ERI1: variants seen among roughly 807,000 people sequenced by gnomAD.
The protein encoded by ERI1 is exoribonuclease 1.
A neutral mutation model predicts 39.7 loss-of-function variants in ERI1; 39 were observed. The ratio of observed to expected loss-of-function variants is 0.98; its 90% CI spans 0.76 to 1.28. ERI1 has a LOEUF of 1.28. ERI1 is among the 50% of genes most tolerant of loss of function. The pLI, the probability that ERI1 is intolerant of heterozygous loss-of-function variation, is 0.00. For synonymous variants in ERI1, 204 were observed against 149.6 expected (o/e 1.36, Z -2.65); for missense variants, 581 against 416.9 (o/e 1.39, Z -3.43).
At chr8:9,075,000 C>G (rs1428431600) in intron 3 of ERI1, among the ~76,000 whole-genome samples, 2 of 152,118 alleles carry the variant, frequency 1.3e-5, no homozygotes, top group African/African-American at 4.8e-5. Flanking sequence ...TTGCATTCCT[C>G]TGGTCCCGTG....
intron 2 of ERI1, 86 bp from the exon 3 acceptor site, chr8:9,011,456 T>C: frequency 1.3e-6 from 1 of 758,578 alleles, no homozygotes; most frequent in South Asian, 3.2e-5. Flanking sequence ...TGATTGTCAG[T>C]GTTCAGCCCA....
intron 6 of ERI1, among the ~76,000 whole-genome samples, chr8:9,028,202 C>T (rs990986148): frequency 2.6e-5 from 4 of 152,154 alleles, no homozygotes; most frequent in Non-Finnish European, 5.9e-5. Context: ...TCTGGTTCAG[C>T]GCTTTTCTTT....
At chr8:9,048,871 C>T (rs1156679937) in intron 3 of ERI1, among the ~76,000 whole-genome samples, 2 of 151,888 alleles carry the variant, frequency 1.3e-5, no homozygotes, top group Non-Finnish European at 2.9e-5. Context: ...GTCTTGAACT[C>T]CTGGGCTCAA....
intron 6 of ERI1, among the ~76,000 whole-genome samples, chr8:9,029,246 TA>T (rs1360875152): frequency 6.6e-6 from 1 of 152,166 alleles, no homozygotes; most frequent in Non-Finnish European, 1.5e-5. Flanking sequence ...ATTTTTAAAT[TA>T]AAAAACTGCA....
intron 3 of ERI1, among the ~76,000 whole-genome samples, chr8:9,066,417 A>G (rs1392951457): frequency 6.6e-6 from 1 of 152,198 alleles, no homozygotes; most frequent in African/African-American, 2.4e-5. Flanking sequence ...GACTCTGCCA[A>G]TAAAATGGGG....
rs778172957 is a variant in ERI1, at chr8:9,029,815, G to A, written c.831G>A (p.Leu277=). ...AGGTTCCTAGAAGCCAAACCAAACT[G>A]ACAATAATGCTTGAAAAATTAGGAA... ...FYKVPRSQTK[L]TIMLEKLGMD... is the part of the protein sequence containing the mutation. The change falls in exon 7 of 7, where the codon CTG becomes CTA. Residue 277 remains leucine, a synonymous_variant. Coordinates refer to ENST00000250263, the MANE Select transcript of ERI1 (RefSeq NM_153332.4). 3 of 1,614,142 alleles carry A rather than the reference G, an allele frequency of 1.9e-6. No homozygotes were observed. Among genetic ancestry groups the A allele is most frequent in the Non-Finnish European group, 2.5e-6 (3 of 1,180,028 alleles).
chr8:9,078,021 G>A lies in ERI1; in HGVS notation n.300-38327G>A, dbSNP rs544273135. Among the ~76,000 whole-genome samples the A allele has an allele frequency of 1.4e-4, 21 of 152,102 alleles. No homozygotes were observed. The East Asian group carries it at 3.9e-3, about 28-fold the overall frequency. On this transcript the variant is annotated intron_variant and non_coding_transcript_variant, in intron 3 of 3. Transcript: ENST00000518663. ...TCTTTTTCTTTTGAGACAGAGTCTC[G>A]CTTTGTCAGCCAGGCTGGAATGCAG...
At chr8:9,057,784 C>T (rs1486932740) in intron 3 of ERI1, among the ~76,000 whole-genome samples, 1 of 152,136 alleles carries the variant, frequency 6.6e-6, no homozygotes, top group Non-Finnish European at 1.5e-5. Flanking sequence ...AAACCTGCTG[C>T]AGATGTAAAG....
rs993495288 is a variant in ERI1 at position 9,032,177 on chromosome 8, T to G, written c.*2143T>G. ...CTGCTTTTTACTCTGACTTTTATTGTGTTGTCTTTGAAAGACAAATAGTAC... is the reference window on the plus strand; with the variant it reads ...CTGCTTTTTACTCTGACTTTTATTGGGTTGTCTTTGAAAGACAAATAGTAC... On this transcript the variant is annotated 3_prime_UTR_variant, in exon 7 of 7. Transcript: ENST00000250263. 6.6e-6 allele frequency: 1 copy of G among 152,242 alleles called. No homozygotes were observed. The highest frequency in any genetic ancestry group is 1.5e-5 in the Non-Finnish European group (1 of 68,048). 9.4% of individuals were successfully genotyped at this position (152,242 alleles called of 1,614,324 possible).
intron 1 of ERI1, chr8:9,003,991 C>G: frequency 1.1e-6 from 1 of 939,820 alleles, no homozygotes; most frequent in Non-Finnish European, 1.5e-6. Context: ...TCCTGAGTCA[C>G]TTCCATTTGC....
intron 3 of ERI1, among the ~76,000 whole-genome samples, chr8:9,058,603 C>T (rs1008473863): frequency 3.3e-5 from 5 of 152,128 alleles, no homozygotes; most frequent in Non-Finnish European, 7.3e-5. Flanking sequence ...TAGCAAACTA[C>T]AGAAATGATC....
intron 3 of ERI1, among the ~76,000 whole-genome samples, chr8:9,045,078 T>C (rs1210793082): frequency 2.6e-5 from 4 of 151,232 alleles, no homozygotes; most frequent in East Asian, 2.0e-4. Flanking sequence ...TCTACAAAAA[T>C]ACAAAAAATT....
intron 3 of ERI1, among the ~76,000 whole-genome samples, chr8:9,096,156 C>A (rs1306528891): frequency 6.6e-6 from 1 of 152,190 alleles, no homozygotes; most frequent in African/African-American, 2.4e-5. Flanking sequence ...GCATTCAGTG[C>A]AGAGCAAACA....
At chr8:9,079,467 G>T (rs1015585480) in intron 3 of ERI1, among the ~76,000 whole-genome samples, 1 of 152,208 alleles carries the variant, frequency 6.6e-6, no homozygotes, top group Non-Finnish European at 1.5e-5. Flanking sequence ...ATGCAAAAAT[G>T]TTGGTTGTGA....
chr8:9,026,714 G>A (rs1797189760), intron 6 of ERI1, among the ~76,000 whole-genome samples: 1 of 152,124 alleles, frequency 6.6e-6, no homozygotes, highest in Non-Finnish European at 1.5e-5. Context: ...GAGCATTTCA[G>A]GTTTTGGAAT....
chr8:9,016,684 T>A (rs1197190842), intron 4 of ERI1, among the ~76,000 whole-genome samples: 1 of 152,052 alleles, frequency 6.6e-6, no homozygotes, highest in Non-Finnish European at 1.5e-5. Flanking sequence ...AACTTGGAGA[T>A]GTTTGATTTA....
chr8:9,060,967 C>A (rs895345546), intron 3 of ERI1, among the ~76,000 whole-genome samples: 2 of 152,188 alleles, frequency 1.3e-5, no homozygotes, highest in African/African-American at 4.8e-5. Flanking sequence ...GCCTGTATAA[C>A]AGCATGGTGG....
In ERI1 at chr8:9,008,044, C is replaced by T. The variant is rs764505013; in HGVS notation, c.183C>T (p.Phe61=). The T allele has an allele frequency of 1.3e-6, 2 of 1,593,054 alleles. No individual in the cohort carries two copies. Among genetic ancestry groups the T allele is most frequent in the Non-Finnish European group, 8.5e-7 (1 of 1,172,714 alleles). The part of the protein sequence containing the change: ...SKFITSSASD[F]SDPVYKEIAI... ...TCATTACCTCCAGTGCGAGTGACTTCAGTGACCCGGTTTACAAAGAGATTG... is the reference window on the plus strand; with the variant it reads ...TCATTACCTCCAGTGCGAGTGACTTTAGTGACCCGGTTTACAAAGAGATTG... Residue 61 remains phenylalanine, a synonymous_variant, in exon 2 of 7, where the codon TTC becomes TTT. Transcript: ENST00000250263.
intron 2 of ERI1, among the ~76,000 whole-genome samples, chr8:9,010,923 A>T (rs1480996728): frequency 6.6e-6 from 1 of 152,126 alleles, no homozygotes; most frequent in Non-Finnish European, 1.5e-5. Flanking sequence ...CTAGTTAAGA[A>T]CCTACTAGTG....
Sources: gnomAD v4.1 joint callset for allele counts (sites outside exome capture counted in the v4.1 genomes callset) on GRCh38, gnomAD v4.1.1 for gene constraint, MANE v1.5 for transcripts, NCBI Gene and HGNC (gene_info 2026-07-23, HGNC 2026-07-21) for gene names.